CAMTA1: variants seen among roughly 807,000 people sequenced by gnomAD.
CAMTA1 encodes calmodulin-binding transcription activator 1.
A neutral mutation model predicts 170.9 loss-of-function variants in CAMTA1; 27 were observed. The ratio of observed to expected loss-of-function variants is 0.16; its 90% confidence interval spans 0.12 to 0.22. The LOEUF is 0.22. CAMTA1 is among the 10% of genes least tolerant of loss of function. The pLI is 1.00. For missense variants in CAMTA1, 1,619 were observed against 2,217.2 expected (o/e 0.73, Z 5.42); for synonymous variants, 833 against 891.5 (o/e 0.93, Z 1.17).
At chr1:7,406,391 G>A (rs1203987792) in intron 5 of CAMTA1, among the ~76,000 whole-genome samples, 1 of 152,208 alleles carries the variant, frequency 6.6e-6, no homozygotes, top group Admixed American at 6.5e-5. Flanking sequence ...GAGGCCAGAA[G>A]CCACTATGCA....
intron 4 of CAMTA1, among the ~76,000 whole-genome samples, chr1:7,153,513 G>A (rs929970357): frequency 1.3e-5 from 2 of 152,204 alleles, no homozygotes; most frequent in Admixed American, 6.5e-5. Context: ...TCAGAAGGAG[G>A]CTCTGTTTCC....
chr1:7,546,608 A>G (rs547286642), intron 6 of CAMTA1, among the ~76,000 whole-genome samples: 14 of 152,328 alleles, frequency 9.2e-5, no homozygotes, highest in African/African-American at 3.4e-4. Flanking sequence ...GAACTAATTT[A>G]CATTCCCACC....
At chr1:7,604,681 G>A (rs960559930) in intron 6 of CAMTA1, among the ~76,000 whole-genome samples, 6 of 152,120 alleles carry the variant, frequency 3.9e-5, no homozygotes, top group African/African-American at 4.8e-5. Flanking sequence ...CTCTCAACTC[G>A]TCAAAGTCAT....
intron 5 of CAMTA1, among the ~76,000 whole-genome samples, chr1:7,339,496 C>T (rs1055238348): frequency 6.6e-6 from 1 of 152,198 alleles, no homozygotes; most frequent in Non-Finnish European, 1.5e-5. Context: ...TCCTTCTAAG[C>T]CCTTCCTGCC....
At chr1:7,076,775 A>C (rs370035600) in intron 3 of CAMTA1, among the ~76,000 whole-genome samples, 1 of 152,164 alleles carries the variant, frequency 6.6e-6, no homozygotes. Flanking sequence ...TGTGTCAGCT[A>C]GGAGGGCTGT....
chr1:7,688,392 C>T (rs1173770767), intron 11 of CAMTA1, among the ~76,000 whole-genome samples: 2 of 152,214 alleles, frequency 1.3e-5, no homozygotes, highest in Non-Finnish European at 2.9e-5. Context: ...CTTGGCAAAG[C>T]TGGGACCACA....
chr1:6,970,353 A>C lies in CAMTA1; in HGVS notation c.235-120951A>C, dbSNP rs1410616238. Among the ~76,000 whole-genome samples the C allele has an allele frequency of 6.6e-6, 1 of 152,070 alleles. No individual in the cohort carries two copies. Among genetic ancestry groups the C allele is most frequent in the African/African-American group, 2.4e-5 (1 of 41,382 alleles). On this transcript the variant is annotated intron_variant, in intron 3 of 22. Transcript: ENST00000303635. The surrounding 1 kb of genome is among the most constrained non-coding windows in gnomAD (Gnocchi z 4.4). Reference sequence around the variant, plus strand: ...ACGACGTGCCATAAGCATCCTCCATATGTATTGGAGCCGTGGAGTGCTCAC... The same window carrying C: ...ACGACGTGCCATAAGCATCCTCCATCTGTATTGGAGCCGTGGAGTGCTCAC...
chr1:7,493,247 A>G (rs1348273201), intron 6 of CAMTA1, among the ~76,000 whole-genome samples: 9 of 150,828 alleles, frequency 6.0e-5, no homozygotes, highest in Non-Finnish European at 7.4e-5. Context: ...AATCACGCAC[A>G]CACAAACCTA....
intron 6 of CAMTA1, among the ~76,000 whole-genome samples, chr1:7,536,949 G>A (rs1235208705): frequency 6.6e-6 from 1 of 151,944 alleles, no homozygotes; most frequent in African/African-American, 2.4e-5. Context: ...CATCTTCCTC[G>A]TCCCTCTGCC....
chr1:7,316,776 C>T (rs998132295), intron 5 of CAMTA1, among the ~76,000 whole-genome samples: 6 of 152,060 alleles, frequency 3.9e-5, no homozygotes, highest in African/African-American at 1.4e-4. Flanking sequence ...GGTGGCCGTG[C>T]CCAGATAGGA....
At chr1:7,084,468 C>T (rs144498678) in intron 3 of CAMTA1, among the ~76,000 whole-genome samples, 2 of 152,212 alleles carry the variant, frequency 1.3e-5, no homozygotes, top group Admixed American at 6.5e-5. Context: ...CAGAGAGAGC[C>T]GGGGCTGAGA....
chr1:7,556,300 G>A (rs576347873), intron 6 of CAMTA1, among the ~76,000 whole-genome samples: 1 of 152,242 alleles, frequency 6.6e-6, no homozygotes, highest in South Asian at 2.1e-4. Context: ...TCTGAAAGGT[G>A]GGTTCCCAGG....
intron 5 of CAMTA1, among the ~76,000 whole-genome samples, chr1:7,459,292 A>G (rs1363774821): frequency 6.6e-6 from 1 of 152,182 alleles, no homozygotes; most frequent in Non-Finnish European, 1.5e-5. Context: ...ACACTTGTGC[A>G]ACTAGAGAAC....
intron 4 of CAMTA1, among the ~76,000 whole-genome samples, chr1:7,163,670 G>T (rs1057205372): frequency 2.6e-5 from 4 of 152,182 alleles, no homozygotes; most frequent in Non-Finnish European, 5.9e-5. Context: ...AGAGAGATGG[G>T]GTCCTTGGGG....
At chr1:6,790,321 CA>C (rs568285743) in intron 1 of CAMTA1, among the ~76,000 whole-genome samples, 2 of 150,876 alleles carry the variant, frequency 1.3e-5, no homozygotes, top group Non-Finnish European at 2.9e-5. Flanking sequence ...CTGGGAGAGG[CA>C]TTTAGCAGCT....
At chr1:7,646,294 G>A (rs960348058) in intron 7 of CAMTA1, among the ~76,000 whole-genome samples, 6 of 150,920 alleles carry the variant, frequency 4.0e-5, no homozygotes, top group Admixed American at 6.6e-5. Context: ...TGGAGGCCAC[G>A]GTGAGTTGGG....
intron 6 of CAMTA1, among the ~76,000 whole-genome samples, chr1:7,572,933 C>T (rs1287704476): frequency 6.6e-6 from 1 of 152,238 alleles, no homozygotes; most frequent in Non-Finnish European, 1.5e-5. Flanking sequence ...TTGCCCATCC[C>T]TCTCAGCCCC....
In CAMTA1 at chr1:6,887,265, A is replaced by G. The variant is rs555787089; in HGVS notation, c.234+62055A>G. Among the ~76,000 whole-genome samples, 1 of 152,338 alleles carries G rather than the reference A, an allele frequency of 6.6e-6. No individual in the cohort carries two copies. The highest frequency in any genetic ancestry group is 2.4e-5 in the African/African-American group (1 of 41,586). On this transcript the variant is annotated intron_variant, in intron 3 of 22. Coordinates refer to ENST00000303635, the MANE Select transcript of CAMTA1 (RefSeq NM_015215.4). The surrounding 1 kb of genome is among the most constrained non-coding windows in gnomAD (Gnocchi z 4.1). ...TTCTTCCAAAATTAGTGTTAATTGAATCTGAGCCTTGATCTTCTTTGAACC... is the reference window on the plus strand; with the variant it reads ...TTCTTCCAAAATTAGTGTTAATTGAGTCTGAGCCTTGATCTTCTTTGAACC...
intron 3 of CAMTA1, among the ~76,000 whole-genome samples, chr1:6,931,475 C>T (rs1406264435): frequency 1.3e-5 from 2 of 152,220 alleles, no homozygotes; most frequent in South Asian, 4.1e-4. Context: ...GCTTAGGAAG[C>T]GCCAGGCATT....
Sources: allele counts gnomAD v4.1 joint callset (sites outside exome capture counted in the v4.1 genomes callset), GRCh38; gene constraint gnomAD v4.1.1; non-coding constraint Gnocchi (gnomAD v3.1); transcripts MANE v1.5; gene names NCBI Gene and HGNC (gene_info 2026-07-23, HGNC 2026-07-21).